The following MCTP2 variants were observed in gnomAD, a reference collection of about 807,000 sequenced individuals.
MCTP2 encodes multiple C2 and transmembrane domain-containing protein 2.
MCTP2 carries 132 observed loss-of-function variants against 111.6 expected under a neutral mutation model. The observed-to-expected ratio is 1.18, with a 90% CI of 1.03 to 1.37. The LOEUF (loss-of-function observed/expected upper bound fraction) is 1.37. Ranked by LOEUF, MCTP2 falls within the 40% of genes most tolerant of loss-of-function variation. MCTP2 has a pLI of 0.00. For missense variants in MCTP2, 1,183 were observed against 1,067.9 expected (o/e 1.11, Z -1.50); for synonymous variants, 395 against 387.7 (o/e 1.02, Z -0.22).
At chr15:94,311,420 A>G (rs2076137675) in intron 2 of MCTP2, among the ~76,000 whole-genome samples, 1 of 152,194 alleles carries the variant, frequency 6.6e-6, no homozygotes, top group Admixed American at 6.5e-5. Context: ...GAAAAAAGTA[A>G]GTTAGTGATG....
At chr15:94,279,956 A>G (rs1260959017) in intron 1 of MCTP2, among the ~76,000 whole-genome samples, 1 of 152,150 alleles carries the variant, frequency 6.6e-6, no homozygotes, top group African/African-American at 2.4e-5. Context: ...AAATAGTACT[A>G]TATCATGGTG....
chr15:94,395,259 A>G (rs887389738), intron 14 of MCTP2, among the ~76,000 whole-genome samples: 8 of 152,210 alleles, frequency 5.3e-5, no homozygotes, highest in African/African-American at 1.9e-4. Context: ...TTTCCCTTTT[A>G]TGCAGAGTGA....
chr15:94,442,870 T>G, intron 18 of MCTP2, 49 bp from the exon 19 acceptor site: 2 of 1,515,852 alleles, frequency 1.3e-6, no homozygotes, highest in Non-Finnish European at 1.8e-6. Context: ...TAATTTGCAT[T>G]TGTTAATTTC....
intron 1 of MCTP2, among the ~76,000 whole-genome samples, chr15:94,263,262 T>C (rs773305720): frequency 6.6e-6 from 1 of 152,208 alleles, no homozygotes; most frequent in Non-Finnish European, 1.5e-5. Context: ...TTCTGAGAGA[T>C]ACATACAGCT....
rs950670803 is a variant in MCTP2, at chr15:94,424,199, A to G, written c.2086-15977A>G. On this transcript the variant is annotated intron_variant, in intron 17 of 22. Transcript: ENST00000357742. ...TTAGTATCGTTTTTGATATTCATCTATGTAGTTCATTTACATCCTGTATAG... is the reference window on the plus strand; with the variant it reads ...TTAGTATCGTTTTTGATATTCATCTGTGTAGTTCATTTACATCCTGTATAG... Among the ~76,000 whole-genome samples the G allele has an allele frequency of 2.0e-5, 3 of 152,190 alleles. No homozygotes were observed. The South Asian group carries it at 6.2e-4, about 32-fold the overall frequency.
chr15:94,314,234 TA>T (rs771250749), intron 2 of MCTP2, 47 bp from the exon 3 acceptor site: 30 of 1,303,960 alleles, frequency 2.3e-5, no homozygotes, highest in Non-Finnish European at 3.3e-5. Flanking sequence ...CCTGAGTTGG[TA>T]TTAATTTGCT....
intron 20 of MCTP2, 49 bp downstream of exon 20, chr15:94,458,295 C>A: frequency 9.0e-7 from 1 of 1,110,350 alleles, no homozygotes; most frequent in Non-Finnish European, 1.4e-6. Context: ...CTGCTATCCA[C>A]AAGGACAGTG....
chr15:94,250,690 A>G (rs1197209546), intron 1 of MCTP2, among the ~76,000 whole-genome samples: 2 of 152,192 alleles, frequency 1.3e-5, no homozygotes, highest in Non-Finnish European at 2.9e-5. Flanking sequence ...GAAGTCACTC[A>G]GAGAACAATC....
chr15:94,264,385 G>C (rs1051147730), intron 1 of MCTP2, among the ~76,000 whole-genome samples: 1 of 152,004 alleles, frequency 6.6e-6, no homozygotes, highest in Non-Finnish European at 1.5e-5. Flanking sequence ...GAGGCGGGTG[G>C]ATCACGAGGT....
chr15:94,399,399 G>C (rs1160314654), intron 15 of MCTP2: 1 of 206,038 alleles, frequency 4.9e-6, no homozygotes, highest in Non-Finnish European at 9.7e-6. Context: ...GTCTTACTCA[G>C]TCTGGTGGTT....
intron 18 of MCTP2, among the ~76,000 whole-genome samples, chr15:94,441,250 C>G (rs2083763509): frequency 6.6e-6 from 1 of 152,114 alleles, no homozygotes; most frequent in Non-Finnish European, 1.5e-5. Flanking sequence ...GAGGAAAAAC[C>G]TCAGGCAATT....
rs752880138 is a variant in MCTP2, at chr15:94,339,291, CACAAGTG to C, written c.641_647del (p.Thr214IlefsTer4). The C allele has an allele frequency of 8.3e-5, 132 of 1,591,572 alleles. No individual in the cohort carries two copies. The highest frequency in any genetic ancestry group is 1.1e-4 in the Non-Finnish European group (125 of 1,171,580). On this transcript the variant is annotated frameshift_variant and splice_region_variant, in exon 5 of 23. Coordinates refer to ENST00000357742, the MANE Select transcript of MCTP2 (RefSeq NM_001385001.1). LOFTEE classifies it high-confidence loss of function. ...TCTTGTTTTCTTTTCCTTTTAAAGG[CACAAGTG>C]ATCCTTATGTGAAATTTAAGCTGAA... is the stretch of plus-strand genomic sequence containing the variant.
chr15:94,392,549 T>C (rs2081047052), intron 14 of MCTP2, among the ~76,000 whole-genome samples: 1 of 152,088 alleles, frequency 6.6e-6, no homozygotes, highest in Non-Finnish European at 1.5e-5. Context: ...GTGTGGTGGC[T>C]CACACCTGTA....
intron 2 of MCTP2, among the ~76,000 whole-genome samples, chr15:94,305,688 G>A (rs1011800003): frequency 1.1e-4 from 16 of 152,102 alleles, no homozygotes; most frequent in African/African-American, 3.9e-4. Context: ...TATCACTGCA[G>A]TTGACTTTCC....
intron 17 of MCTP2, among the ~76,000 whole-genome samples, chr15:94,432,345 G>A (rs1024800884): frequency 1.3e-5 from 2 of 152,154 alleles, no homozygotes; most frequent in Admixed American, 6.5e-5. Flanking sequence ...TTCTCTTAAC[G>A]ATTTTCTACC....
intron 14 of MCTP2, among the ~76,000 whole-genome samples, chr15:94,387,505 C>T (rs1343356715): frequency 6.6e-6 from 1 of 152,204 alleles, no homozygotes; most frequent in African/African-American, 2.4e-5. Context: ...AATGACCTGG[C>T]TTAAATGCAA....
intron 4 of MCTP2, among the ~76,000 whole-genome samples, chr15:94,326,905 G>A (rs986101816): frequency 2.8e-4 from 41 of 148,912 alleles, no homozygotes; most frequent in African/African-American, 8.9e-4. Flanking sequence ...TTTGATAGAA[G>A]GAAAGTGTTG....
At chr15:94,402,068 A>T (rs772297841) in intron 17 of MCTP2, 49 bp downstream of exon 17, 1 of 1,595,818 alleles carries the variant, frequency 6.3e-7, no homozygotes, top group South Asian at 1.1e-5. Context: ...ATTTGCATCT[A>T]TTCATCTTTC....
At chr15:94,431,630 G>T (rs2083188014) in intron 17 of MCTP2, among the ~76,000 whole-genome samples, 2 of 152,110 alleles carry the variant, frequency 1.3e-5, no homozygotes, top group Non-Finnish European at 2.9e-5. Context: ...GCTACTTATT[G>T]ATTTGTTACC....
Sources: allele counts gnomAD v4.1 joint callset (sites outside exome capture counted in the v4.1 genomes callset), GRCh38; gene constraint gnomAD v4.1.1; transcripts MANE v1.5; gene names NCBI Gene and HGNC (gene_info 2026-07-23, HGNC 2026-07-21).